The following NELL1 variants were observed in gnomAD, a reference collection of about 807,000 sequenced individuals.
NELL1 encodes protein kinase C-binding protein NELL1.
NELL1 carries 76 observed loss-of-function variants against 107.4 expected under a neutral mutation model. That is an observed-to-expected ratio of 0.71 (90% CI 0.59 to 0.86). The LOEUF (loss-of-function observed/expected upper bound fraction) is 0.86, where lower values mean the gene tolerates loss of function less well. Ranked by LOEUF, NELL1 falls within the 40% of genes least tolerant of loss-of-function variation. The pLI, the probability that NELL1 is intolerant of heterozygous loss-of-function variation, is 0.00. For missense variants in NELL1, 1,024 were observed against 1,005.5 expected, an observed-to-expected ratio of 1.02 and a Z score of -0.25; for synonymous variants, 353 against 341.2, an observed-to-expected ratio of 1.03 and a Z score of -0.38.
intron 11 of NELL1, among the ~76,000 whole-genome samples, chr11:20,952,926 T>C (rs1407286413): frequency 6.6e-6 from 1 of 152,218 alleles, no homozygotes; most frequent in Non-Finnish European, 1.5e-5. Flanking sequence ...CAGTCTCTAT[T>C]AGGCCTGTCC....
intron 4 of NELL1, among the ~76,000 whole-genome samples, chr11:20,873,822 G>T (rs934887812): frequency 6.8e-6 from 1 of 147,044 alleles, no homozygotes; most frequent in Non-Finnish European, 1.5e-5. Flanking sequence ...GCAGTCCATC[G>T]GTGCAGTCAC....
intron 4 of NELL1, among the ~76,000 whole-genome samples, chr11:20,860,026 G>A (rs576872957): frequency 1.3e-5 from 2 of 152,176 alleles, no homozygotes; most frequent in East Asian, 1.9e-4. Context: ...TCTAGTCCAC[G>A]TTTCCTTCTG....
chr11:21,017,802 TTA>T (rs1223690838), intron 12 of NELL1, among the ~76,000 whole-genome samples: 2 of 152,118 alleles, frequency 1.3e-5, no homozygotes, highest in Non-Finnish European at 2.9e-5. Flanking sequence ...GTCTGTCTTC[TTA>T]TCACGAGGAG....
At chr11:21,234,219 G>A (rs751537274) in intron 14 of NELL1, among the ~76,000 whole-genome samples, 83 of 152,270 alleles carry the variant, frequency 5.5e-4, no homozygotes, top group African/African-American at 2.2e-4. Flanking sequence ...CTCCTAGTTC[G>A]AAAAGCAGGA....
At chr11:21,140,111 A>T (rs1855833516) in intron 13 of NELL1, among the ~76,000 whole-genome samples, 1 of 152,172 alleles carries the variant, frequency 6.6e-6, no homozygotes, top group Non-Finnish European at 1.5e-5. Context: ...AAACACCGTG[A>T]CTGGCAGATA....
intron 2 of NELL1, among the ~76,000 whole-genome samples, chr11:20,691,306 A>C (rs1246790982): frequency 6.6e-6 from 1 of 151,376 alleles, no homozygotes; most frequent in Non-Finnish European, 1.5e-5. Flanking sequence ...CCTGGCCAGA[A>C]CTTCCAACAC....
At chr11:21,095,592 A>G (rs1380721158) in intron 12 of NELL1, among the ~76,000 whole-genome samples, 1 of 152,006 alleles carries the variant, frequency 6.6e-6, no homozygotes, top group Non-Finnish European at 1.5e-5. Context: ...GCAGAAGGCA[A>G]TGAGGAGTAA....
At chr11:20,998,362 C>T (rs145186636) in intron 12 of NELL1, among the ~76,000 whole-genome samples, 9 of 152,230 alleles carry the variant, frequency 5.9e-5, no homozygotes, top group Admixed American at 3.3e-4. Flanking sequence ...GTTTAGATAA[C>T]ATAAGCTTTT....
chr11:21,473,116 C>A (rs1854225166), intron 15 of NELL1, among the ~76,000 whole-genome samples: 1 of 152,000 alleles, frequency 6.6e-6, no homozygotes, highest in Non-Finnish European at 1.5e-5. Flanking sequence ...AAAATATATT[C>A]TTCCTGCTAG....
At chr11:20,703,462 C>T in intron 2 of NELL1, among the ~76,000 whole-genome samples, 1 of 152,112 alleles carries the variant, frequency 6.6e-6, no homozygotes, top group East Asian at 1.9e-4. Flanking sequence ...CTCCCGGATT[C>T]ATTGGTTTTT....
chr11:21,290,237 T>G (rs1849220035), intron 14 of NELL1, among the ~76,000 whole-genome samples: 1 of 151,760 alleles, frequency 6.6e-6, no homozygotes, highest in Admixed American at 6.6e-5. Flanking sequence ...GGCGTGGTGG[T>G]GGGTGCCTGT....
chr11:21,432,911 T>C (rs562124819), intron 15 of NELL1, among the ~76,000 whole-genome samples: 25 of 152,290 alleles, frequency 1.6e-4, no homozygotes, highest in African/African-American at 5.8e-4. Context: ...CACTAAATGA[T>C]TGCTAACTGT....
intron 13 of NELL1, among the ~76,000 whole-genome samples, chr11:21,166,806 TA>T (rs1565092586): frequency 6.6e-6 from 1 of 151,788 alleles, no homozygotes; most frequent in African/African-American, 2.4e-5. Flanking sequence ...AAGAAACAAA[TA>T]AAATGCTAGT....
At chr11:21,187,530 A>T (rs1196427216) in intron 13 of NELL1, among the ~76,000 whole-genome samples, 1 of 151,828 alleles carries the variant, frequency 6.6e-6, no homozygotes, top group Non-Finnish European at 1.5e-5. Context: ...TTAAGCAATT[A>T]ATACCTCCCT....
chr11:21,489,999 G>A (rs745526096), intron 15 of NELL1, among the ~76,000 whole-genome samples: 2 of 152,030 alleles, frequency 1.3e-5, no homozygotes, highest in African/African-American at 4.8e-5. Context: ...AAGAGAGGAA[G>A]TCAGATTTTC....
At chr11:20,967,829 T>C (rs11025839) in intron 12 of NELL1, among the ~76,000 whole-genome samples, 21,671 of 152,202 alleles carry the variant, frequency 0.14, 1,749 homozygotes, top group East Asian at 0.25. Flanking sequence ...CTCCCATGCC[T>C]CTTAGAATAA....
intron 12 of NELL1, among the ~76,000 whole-genome samples, chr11:21,000,566 G>C (rs984328645): frequency 7.9e-5 from 12 of 152,166 alleles, no homozygotes; most frequent in Admixed American, 2.6e-4. Context: ...CACTTTCAAA[G>C]TCTCATGATT....
intron 15 of NELL1, among the ~76,000 whole-genome samples, chr11:21,384,701 G>A (rs996205469): frequency 6.6e-6 from 1 of 151,736 alleles, no homozygotes. Context: ...GCGGTGTTTG[G>A]TTTTTTGTTC....
At chr11:21,106,566 T>G (rs1475501840) in intron 12 of NELL1, among the ~76,000 whole-genome samples, 1 of 152,076 alleles carries the variant, frequency 6.6e-6, no homozygotes, top group Non-Finnish European at 1.5e-5. Flanking sequence ...GTTTTTTCTC[T>G]TATAAAAGAG....
Sources: gnomAD v4.1 joint callset for allele counts (sites outside exome capture counted in the v4.1 genomes callset) on GRCh38, gnomAD v4.1.1 for gene constraint, MANE v1.5 for transcripts, NCBI Gene and HGNC (gene_info 2026-07-23, HGNC 2026-07-21) for gene names.